RUNX1T1: variants seen among roughly 807,000 people sequenced by gnomAD.
RUNX1T1 encodes the protein protein CBFA2T1.
In RUNX1T1, 4 loss-of-function variants were observed where a neutral mutation model predicts 62.8. The ratio of observed to expected loss-of-function variants is 0.06; its 90% confidence interval spans 0.03 to 0.15. The LOEUF (loss-of-function observed/expected upper bound fraction) is 0.15. Ranked by LOEUF, RUNX1T1 falls within the 10% of genes least tolerant of loss-of-function variation. The pLI, the probability that RUNX1T1 is intolerant of heterozygous loss-of-function variation, is 1.00. For synonymous variants in RUNX1T1, 291 were observed against 286.0 expected (o/e 1.02, Z -0.18); for missense variants, 508 against 754.3 (o/e 0.67, Z 3.82).
intron 9 of RUNX1T1, among the ~76,000 whole-genome samples, chr8:91,971,757 C>G (rs1486993645): frequency 6.6e-6 from 1 of 152,148 alleles, no homozygotes; most frequent in Admixed American, 6.5e-5. Context: ...CAGGCCAAAA[C>G]AATCAGGCCT....
rs995923606 is a variant in RUNX1T1, at chr8:92,073,561, A to G, written c.88+2404T>C. Among the ~76,000 whole-genome samples the G allele has an allele frequency of 4.1e-4, 63 of 152,118 alleles. 1 individual carries two copies. The highest frequency in any genetic ancestry group is 2.1e-4 in the South Asian group (1 of 4,828). On this transcript the variant is annotated intron_variant, in intron 2 of 11. Transcript: ENST00000265814. ...ACAACTCCAAAACTCTAAGAGCCCA[A>G]TGGATTCCAGGTGTTCTAAAATGTA...
intron 10 of RUNX1T1, among the ~76,000 whole-genome samples, chr8:91,965,250 T>G (rs934305725): frequency 7.2e-5 from 11 of 152,158 alleles, no homozygotes; most frequent in Non-Finnish European, 1.3e-4. Flanking sequence ...GACTAATAAT[T>G]TCTTCCGCAA....
chr8:92,047,503 C>T (rs953991192), intron 1 of RUNX1T1, among the ~76,000 whole-genome samples: 1 of 152,074 alleles, frequency 6.6e-6, no homozygotes, highest in African/African-American at 2.4e-5. Context: ...CTCCCACACC[C>T]CACCCACCTC....
intron 4 of RUNX1T1, among the ~76,000 whole-genome samples, chr8:92,007,382 G>A (rs1243171238): frequency 6.6e-6 from 1 of 151,882 alleles, no homozygotes; most frequent in Non-Finnish European, 1.5e-5. Context: ...CAAGAGAATA[G>A]CTTGAAACCA....
At chr8:92,032,924 A>AT (rs967743123) in intron 1 of RUNX1T1, among the ~76,000 whole-genome samples, 11 of 152,190 alleles carry the variant, frequency 7.2e-5, no homozygotes, top group African/African-American at 2.7e-4. Flanking sequence ...CCTCTCTAGT[A>AT]TTTTTTTAAA....
At chr8:92,037,415 T>A (rs1223474198) in intron 1 of RUNX1T1, among the ~76,000 whole-genome samples, 1 of 152,200 alleles carries the variant, frequency 6.6e-6, no homozygotes, top group African/African-American at 2.4e-5. Context: ...CGGTGACTCA[T>A]GCCTGTAATC....
chr8:92,063,820 G>C (rs1467537407), upstream of RUNX1T1, among the ~76,000 whole-genome samples: 1 of 152,170 alleles, frequency 6.6e-6, no homozygotes. Flanking sequence ...CAGGGCACAT[G>C]ATGAGGTAGC....
intron 1 of RUNX1T1, among the ~76,000 whole-genome samples, chr8:92,088,950 A>G (rs1351447855): frequency 6.6e-6 from 1 of 152,238 alleles, no homozygotes; most frequent in East Asian, 1.9e-4. Context: ...CCTTTGTGGC[A>G]AAGAACTTCA....
At chr8:92,004,788 T>A (rs1820421122) in intron 5 of RUNX1T1, 1 of 209,558 alleles carries the variant, frequency 4.8e-6, no homozygotes, top group South Asian at 1.4e-4. Flanking sequence ...TTAAATTACA[T>A]AATGAATGAG....
At chr8:92,067,667 C>A (rs540451748), upstream of RUNX1T1, among the ~76,000 whole-genome samples, 1 of 152,148 alleles carries the variant, frequency 6.6e-6, no homozygotes, top group East Asian at 1.9e-4. Context: ...AGTACAATGT[C>A]CTCTTATACA....
intron 6 of RUNX1T1, among the ~76,000 whole-genome samples, chr8:91,987,258 A>T (rs1361755152): frequency 6.6e-6 from 1 of 152,234 alleles, no homozygotes; most frequent in Non-Finnish European, 1.5e-5. Flanking sequence ...TTATCCATGC[A>T]ACACTCTGTA....
At chr8:92,004,325 A>G (rs1820316944) in intron 5 of RUNX1T1, 1 of 152,244 alleles carries the variant, frequency 6.6e-6, no homozygotes, top group Non-Finnish European at 1.5e-5. Flanking sequence ...CAAAAACACT[A>G]TGCAAAATGA....
chr8:92,024,039 A>G (rs569283267), intron 1 of RUNX1T1, among the ~76,000 whole-genome samples: 1 of 152,344 alleles, frequency 6.6e-6, no homozygotes, highest in African/African-American at 2.4e-5. Context: ...TTATCATGGT[A>G]GTAGTAAATA....
chr8:91,996,671 A>T (rs1421403954), intron 5 of RUNX1T1, among the ~76,000 whole-genome samples: 2 of 152,106 alleles, frequency 1.3e-5, no homozygotes, highest in African/African-American at 2.4e-5. Context: ...CCAGTTACTT[A>T]ACTTTCTGGC....
At chr8:92,078,959 C>G (rs1221084932) in intron 1 of RUNX1T1, among the ~76,000 whole-genome samples, 1 of 152,162 alleles carries the variant, frequency 6.6e-6, no homozygotes, top group Non-Finnish European at 1.5e-5. Flanking sequence ...ATCAGTTTAT[C>G]TTTCAAAAAT....
chr8:92,037,729 A>G (rs933040000), intron 1 of RUNX1T1, among the ~76,000 whole-genome samples: 13 of 152,150 alleles, frequency 8.5e-5, no homozygotes, highest in Non-Finnish European at 1.5e-4. Context: ...AAAGCAGAGG[A>G]GTATAATCTG....
At chr8:92,048,651 T>C (rs1438986853) in intron 1 of RUNX1T1, among the ~76,000 whole-genome samples, 1 of 152,122 alleles carries the variant, frequency 6.6e-6, no homozygotes, top group Admixed American at 6.6e-5. Flanking sequence ...ACCTGGTCTT[T>C]GGAGGGTGAG....
chr8:92,021,805 C>G lies in RUNX1T1; in HGVS notation c.8-4442G>C, dbSNP rs187352354. Among the ~76,000 whole-genome samples, 42 of 151,806 alleles carry G rather than the reference C, an allele frequency of 2.8e-4. 1 individual carries two copies. The East Asian group carries it at 4.9e-3, about 18-fold the overall frequency. On this transcript the variant is annotated intron_variant, in intron 1 of 10. Coordinates refer to ENST00000396218, the Ensembl canonical transcript of RUNX1T1. Reference sequence around the variant, plus strand: ...TCTCTTGTGTCTTCAACTCCATGATCCATTCCTGACTTTTCTCTCAATCCT... The same window carrying G: ...TCTCTTGTGTCTTCAACTCCATGATGCATTCCTGACTTTTCTCTCAATCCT...
intron 4 of RUNX1T1, among the ~76,000 whole-genome samples, chr8:92,008,388 TCACA>T (rs566293413): frequency 0.076 from 10,029 of 131,930 alleles, 374 homozygotes; most frequent in African/African-American, 0.097. Context: ...TCTCTCTCTC[TCACA>T]CACACACACA....
Sources: allele counts gnomAD v4.1 joint callset (sites outside exome capture counted in the v4.1 genomes callset), GRCh38; gene constraint gnomAD v4.1.1; transcripts MANE v1.5; gene names NCBI Gene and HGNC (gene_info 2026-07-23, HGNC 2026-07-21).